Variants in WDPCP observed in about 807,000 individuals in gnomAD.
WDPCP encodes the protein WD repeat-containing and planar cell polarity effector protein fritz homolog.
A neutral mutation model predicts 93.1 loss-of-function variants in WDPCP; 71 were observed. The observed-to-expected ratio is 0.76, with a 90% CI of 0.63 to 0.93. WDPCP has a LOEUF of 0.93. Ranked by LOEUF, WDPCP falls within the 40% of genes least tolerant of loss-of-function variation. The pLI is 0.00. For missense variants in WDPCP, 844 were observed against 887.4 expected (o/e 0.95, Z 0.62); for synonymous variants, 315 against 315.0 (o/e 1.00, Z 0.00).
intron 1 of WDPCP, among the ~76,000 whole-genome samples, chr2:63,576,305 A>G (rs977588514): frequency 2.6e-5 from 4 of 152,106 alleles, no homozygotes; most frequent in Admixed American, 2.6e-4. Flanking sequence ...AACTGGCTAT[A>G]TATCAGGGTT....
In WDPCP at chr2:63,224,637, T is replaced by A. The variant is rs568997365; in HGVS notation, c.1915+34670A>T. On this transcript the variant is annotated intron_variant, in intron 14 of 17. Transcript: ENST00000272321. Reference sequence around the variant, plus strand: ...CATATCACCAAGTGAAAGAAGCCAATCTGAAAAGGCTGTATGATTCCAACT... The same window carrying A: ...CATATCACCAAGTGAAAGAAGCCAAACTGAAAAGGCTGTATGATTCCAACT... Among the ~76,000 whole-genome samples, 5 of 151,908 alleles carry A rather than the reference T, an allele frequency of 3.3e-5. No individual in the cohort carries two copies. In the South Asian group the frequency reaches 1.0e-3, roughly 32 times the overall value.
chr2:63,476,664 A>G (rs539104873), intron 6 of WDPCP, among the ~76,000 whole-genome samples: 12 of 152,144 alleles, frequency 7.9e-5, no homozygotes, highest in Non-Finnish European at 1.5e-4. Context: ...TCTTCCCACA[A>G]TGGTTGAAAT....
chr2:63,338,572 ATATATATATATATATATATATAT>A, intron 12 of WDPCP, among the ~76,000 whole-genome samples: 1 of 4,890 alleles, frequency 2.0e-4, no homozygotes, highest in Non-Finnish European at 2.6e-4. Flanking sequence ...AAAAAAAAAT[ATATATATATATATATATATATAT>A]ATATATATAT....
At chr2:63,236,034 G>T (rs549743574) in intron 14 of WDPCP, among the ~76,000 whole-genome samples, 25 of 152,124 alleles carry the variant, frequency 1.6e-4, no homozygotes, top group Non-Finnish European at 3.2e-4. Flanking sequence ...CAAAAAGGAA[G>T]TCAAATTATC....
At chr2:63,277,762 C>T (rs1683198401) in intron 13 of WDPCP, among the ~76,000 whole-genome samples, 2 of 152,156 alleles carry the variant, frequency 1.3e-5, no homozygotes. Context: ...AAAACAATTA[C>T]TACTAGACCT....
intron 6 of WDPCP, among the ~76,000 whole-genome samples, chr2:63,472,847 G>A (rs75489737): frequency 2.6e-5 from 4 of 152,238 alleles, no homozygotes; most frequent in East Asian, 3.9e-4. Flanking sequence ...GGCGTGAGCC[G>A]CCGTGCCCAG....
chr2:63,152,234 C>T (rs1299183139), intron 17 of WDPCP, among the ~76,000 whole-genome samples: 7 of 151,242 alleles, frequency 4.6e-5, no homozygotes, highest in Non-Finnish European at 8.8e-5. Flanking sequence ...CTGTATTACC[C>T]GCTACCCAGC....
At chr2:63,183,768 G>A (rs538506058) in intron 14 of WDPCP, among the ~76,000 whole-genome samples, 1 of 152,084 alleles carries the variant, frequency 6.6e-6, no homozygotes, top group East Asian at 1.9e-4. Context: ...ATCTCTTTAT[G>A]TCCAGTAATA....
chr2:63,786,301 C>A (rs1001031910), intron 2 of WDPCP, among the ~76,000 whole-genome samples: 7 of 152,258 alleles, frequency 4.6e-5, no homozygotes, highest in Non-Finnish European at 8.8e-5. Context: ...TGTAAGCCAC[C>A]ACACTCGGCC....
At chr2:63,702,582 AGG>A (rs1486472106) in intron 2 of WDPCP, among the ~76,000 whole-genome samples, 1 of 150,506 alleles carries the variant, frequency 6.6e-6, no homozygotes, top group Non-Finnish European at 1.5e-5. Flanking sequence ...TCTGTCTCCC[AGG>A]GAGGAGTGCA....
At chr2:63,192,875 CT>C (rs1290605187) in intron 14 of WDPCP, among the ~76,000 whole-genome samples, 1 of 152,180 alleles carries the variant, frequency 6.6e-6, no homozygotes, top group East Asian at 1.9e-4. Flanking sequence ...AGGTAAAACA[CT>C]TTTCAAGATG....
At chr2:63,418,597 T>C (rs914186759) in intron 9 of WDPCP, among the ~76,000 whole-genome samples, 2 of 152,028 alleles carry the variant, frequency 1.3e-5, no homozygotes, top group Non-Finnish European at 1.5e-5. Flanking sequence ...AACTAAAGAG[T>C]CTTAAAATAC....
At position 63,427,135 on chromosome 2, in the gene WDPCP, TAG is replaced by T. The variant is rs1226965433; in HGVS notation, c.825+6608_825+6609del. Among the ~76,000 whole-genome samples, 13 of 152,248 alleles carry T rather than the reference TAG, an allele frequency of 8.5e-5. No individual in the cohort carries two copies. The East Asian group carries it at 1.2e-3, about 14-fold the overall frequency. Reference sequence around the variant, plus strand: ...TGTGAAAGACTTAGCCGCACAATAATAGAGAGACTTCAACAACCCACTGATAG... The same window carrying T: ...TGTGAAAGACTTAGCCGCACAATAATAGAGACTTCAACAACCCACTGATAG... On this transcript the variant is annotated intron_variant, in intron 9 of 17. Transcript: ENST00000272321.
chr2:63,722,759 G>A (rs1445576534), intron 2 of WDPCP, among the ~76,000 whole-genome samples: 1 of 151,724 alleles, frequency 6.6e-6, no homozygotes, highest in Non-Finnish European at 1.5e-5. Context: ...CCCTCTGCCC[G>A]GCCAGCCGCC....
chr2:63,292,523 A>T (rs1684524771), intron 13 of WDPCP, among the ~76,000 whole-genome samples: 1 of 152,166 alleles, frequency 6.6e-6, no homozygotes, highest in South Asian at 2.1e-4. Flanking sequence ...GAACTGTGAA[A>T]ACTCTAGCAT....
At chr2:63,531,468 G>A (rs1169351816) in intron 1 of WDPCP, among the ~76,000 whole-genome samples, 1 of 152,138 alleles carries the variant, frequency 6.6e-6, no homozygotes, top group African/African-American at 2.4e-5. Context: ...ATACAGCTGG[G>A]TGCCCCTCTA....
At chr2:63,379,505 GCAGT>G (rs891833383) in intron 11 of WDPCP, among the ~76,000 whole-genome samples, 2 of 152,084 alleles carry the variant, frequency 1.3e-5, no homozygotes, top group African/African-American at 4.8e-5. Context: ...TTTCAAAGCA[GCAGT>G]CAATTTAGAT....
chr2:63,811,994 A>T (rs1478080242), intron 2 of WDPCP, among the ~76,000 whole-genome samples: 1 of 152,038 alleles, frequency 6.6e-6, no homozygotes, highest in Non-Finnish European at 1.5e-5. Flanking sequence ...TCTCCTGAGT[A>T]GCTGGAACTA....
intron 12 of WDPCP, among the ~76,000 whole-genome samples, chr2:63,337,069 G>A (rs931966038): frequency 2.9e-4 from 44 of 151,828 alleles, no homozygotes; most frequent in Admixed American, 2.4e-3. Context: ...AATTTTTGTA[G>A]TTTTAGTAGA....
Sources: allele counts gnomAD v4.1 joint callset (sites outside exome capture counted in the v4.1 genomes callset), GRCh38; gene constraint gnomAD v4.1.1; transcripts MANE v1.5; gene names NCBI Gene and HGNC (gene_info 2026-07-23, HGNC 2026-07-21).